PHLPP2: variants seen among roughly 807,000 people sequenced by gnomAD.
PHLPP2 encodes the protein PH domain and leucine rich repeat protein phosphatase 2, also known as PH domain leucine-rich repeat-containing protein phosphatase 2.
Under a neutral mutation model 124.9 loss-of-function variants are expected in PHLPP2, and 66 were observed. The observed-to-expected ratio is 0.53, with a 90% CI of 0.43 to 0.65. The LOEUF is 0.65. Ranked by LOEUF, PHLPP2 falls within the 30% of genes least tolerant of loss-of-function variation. The pLI is 0.00. For missense variants in PHLPP2, 1,685 were observed against 1,600.4 expected, an observed-to-expected ratio of 1.05 and a Z score of -0.90; for synonymous variants, 681 against 624.7, an observed-to-expected ratio of 1.09 and a Z score of -1.34.
intron 1 of PHLPP2, 160 bp from the exon 2 acceptor site, chr16:71,714,961 A>G (rs1450209440): frequency 1.9e-5 from 15 of 805,004 alleles, no homozygotes; most frequent in East Asian, 2.7e-5. Flanking sequence ...CTCATTCGTA[A>G]TAACTCAGAT....
chr16:71,691,911 C>G (rs1008441367), intron 3 of PHLPP2, among the ~76,000 whole-genome samples: 1 of 151,730 alleles, frequency 6.6e-6, no homozygotes, highest in African/African-American at 2.4e-5. Flanking sequence ...ACCTGGACAT[C>G]ATAGTAAGAC....
At chr16:71,716,865 T>C (rs886135409) in intron 1 of PHLPP2, among the ~76,000 whole-genome samples, 1 of 152,260 alleles carries the variant, frequency 6.6e-6, no homozygotes, top group Non-Finnish European at 1.5e-5. Flanking sequence ...ATGAATTATC[T>C]AGACAGAATT....
intron 17 of PHLPP2, among the ~76,000 whole-genome samples, chr16:71,653,615 C>T (rs2044715184): frequency 6.6e-6 from 1 of 152,184 alleles, no homozygotes; most frequent in Non-Finnish European, 1.5e-5. Context: ...GACCTAGTTT[C>T]AAATCTCAGC....
chr16:71,653,016 A>G lies in PHLPP2; in HGVS notation c.2591T>C (p.Leu864Ser). 3 of 1,609,684 alleles carry G rather than the reference A, an allele frequency of 1.9e-6. No homozygotes were observed. Among genetic ancestry groups the G allele is most frequent in the Non-Finnish European group, 2.5e-6 (3 of 1,178,042 alleles). ...ANTFLVSHRK[L>S]GMAGQKLGSS... Reference sequence around the variant, plus strand: ...GCCCAACTTCTGGCCAGCCATTCCTAATTTCCTGTTCAGAAAGAAAAGGAA... The same window carrying G: ...GCCCAACTTCTGGCCAGCCATTCCTGATTTCCTGTTCAGAAAGAAAAGGAA... The change falls in exon 18 of 19, where the codon TTA (leucine) becomes TCA (serine). Residue 864 changes from leucine to serine, a missense_variant. Leu to Ser is a moderately radical substitution (Grantham distance 145, BLOSUM62 -2). Transcript: ENST00000568954.
At chr16:71,681,947 G>C in intron 5 of PHLPP2, 42 bp from the exon 6 acceptor site, 1 of 1,452,444 alleles carries the variant, frequency 6.9e-7, no homozygotes, top group Non-Finnish European at 9.3e-7. Context: ...GCTAGTACTG[G>C]ATGTCTATCA....
At chr16:71,711,241 G>A (rs974145838) in intron 2 of PHLPP2, among the ~76,000 whole-genome samples, 1 of 151,878 alleles carries the variant, frequency 6.6e-6, no homozygotes, top group Admixed American at 6.6e-5. Flanking sequence ...TGAGGCAGGA[G>A]AATCGCTTGA....
Position 71,676,733 on chromosome 16 carries a change from G to A in PHLPP2, c.1269-84C>T, listed in dbSNP as rs986069723. The A allele has an allele frequency of 8.8e-5, 87 of 993,392 alleles. No individual in the cohort carries two copies. In the African/African-American group the frequency reaches 1.2e-3, roughly 14 times the overall value. 61.5% of individuals were successfully genotyped at this position (993,392 alleles called of 1,614,324 possible). On this transcript the variant is annotated intron_variant, in intron 8 of 18. Coordinates refer to ENST00000568954, the MANE Select transcript of PHLPP2 (RefSeq NM_015020.3). The stretch of plus-strand genomic sequence containing the variant: ...AGAATAAAAATAAAAAATAGGACAG[G>A]TATGATCCCTTTCTCTGTTTACTTT...
chr16:71,649,892 G>A lies in PHLPP2; in HGVS notation c.2970C>T (p.His990=). Residue 990 remains histidine (H), a synonymous_variant, in exon 19 of 19, where the codon CAC becomes CAT. Transcript: ENST00000568954. ...LILGNKALWE[H]LSYTEAVNAV... The stretch of plus-strand genomic sequence containing the variant: ...CATTGACAGCTTCTGTGTAGGACAA[G>A]TGTTCCCACAATGCTTTGTTTCCCA... 1.9e-6 allele frequency: 3 copies of A among 1,614,248 alleles called. No homozygotes were observed. The highest frequency in any genetic ancestry group is 2.2e-5 in the South Asian group (2 of 91,092).
intron 1 of PHLPP2, among the ~76,000 whole-genome samples, chr16:71,716,217 A>T (rs952511519): frequency 6.6e-6 from 1 of 152,204 alleles, no homozygotes; most frequent in African/African-American, 2.4e-5. Context: ...GACAGCATTC[A>T]GTTTGCTTCC....
intron 18 of PHLPP2, 113 bp from the exon 19 acceptor site, chr16:71,650,157 T>A (rs899328400): frequency 2.7e-6 from 2 of 728,404 alleles, no homozygotes; most frequent in African/African-American, 3.5e-5. Context: ...ATATGATTTT[T>A]CCTATGGATT....
Position 71,663,934 on chromosome 16 carries a change from G to C in PHLPP2, c.1950C>G (p.His650Gln), listed in dbSNP as rs775618404. 6.2e-7 allele frequency: 1 copy of C among 1,614,140 alleles called. No homozygotes were observed. The highest frequency in any genetic ancestry group is 8.5e-7 in the Non-Finnish European group (1 of 1,179,968). Residue 650 changes from histidine to glutamine, a missense_variant, in exon 13 of 19, where the codon CAC (histidine) becomes CAG (glutamine). Coordinates refer to ENST00000568954, the MANE Select transcript of PHLPP2 (RefSeq NM_015020.3). ...LVGHLHLRIL[H>Q]LANNQLQTFP... ...AGGTCTGTAACTGATTGTTTGCAAG[G>C]TGCAAGATTCGCAGGTGCAGGTGCC...
In PHLPP2 at chr16:71,707,961, C is replaced by T. The variant is rs552992551; in HGVS notation, c.285-5230G>A. On this transcript the variant is annotated intron_variant, in intron 2 of 18. Transcript: ENST00000568954. ...AGCAAGCCAGCTGGTGTCAGAATAA[C>T]CATTAAGAAAAATCGGCAGGGCACA... Among the ~76,000 whole-genome samples the T allele has an allele frequency of 9.2e-5, 14 of 152,204 alleles. No individual in the cohort carries two copies. The East Asian group carries it at 2.5e-3, about 27-fold the overall frequency.
At chr16:71,687,451 A>G (rs552037698) in intron 4 of PHLPP2, among the ~76,000 whole-genome samples, 4 of 152,294 alleles carry the variant, frequency 2.6e-5, no homozygotes, top group Admixed American at 6.5e-5. Flanking sequence ...AGTTTTAATT[A>G]TGTCTCTTAT....
Position 71,648,793 on chromosome 16 carries a change from A to C in PHLPP2, c.*97T>G, listed in dbSNP as rs566812443. 3,006 of 908,548 alleles carry C rather than the reference A, an allele frequency of 3.3e-3. 21 individuals carry two copies. Among genetic ancestry groups the C allele is most frequent in the South Asian group, 0.013 (836 of 62,298 alleles). 56.3% of individuals were successfully genotyped at this position (908,548 alleles called of 1,614,324 possible). A position where few individuals can be genotyped will look rare whatever the true frequency, so the allele number is the denominator to read the frequency against. ...CTCAAAACAAACAAACAAAAAAAAA[A>C]CGAACAAACAAAAAGAAATGTAGAG... On this transcript the variant is annotated 3_prime_UTR_variant, in exon 19 of 19. Transcript: ENST00000568954.
chr16:71,691,377 C>T (rs1001107140), intron 3 of PHLPP2, among the ~76,000 whole-genome samples: 4 of 151,836 alleles, frequency 2.6e-5, no homozygotes, highest in Non-Finnish European at 5.9e-5. Flanking sequence ...AGGAGAATGG[C>T]GTGAACCCAG....
intron 5 of PHLPP2, among the ~76,000 whole-genome samples, chr16:71,682,310 T>A (rs2145341607): frequency 6.6e-6 from 1 of 151,074 alleles, no homozygotes; most frequent in South Asian, 2.1e-4. Flanking sequence ...CTCCGTCTCC[T>A]GGGCTCAAGC....
At chr16:71,723,731 G>A in intron 1 of PHLPP2, 4 of 1,035,192 alleles carry the variant, frequency 3.9e-6, no homozygotes, top group South Asian at 1.7e-5. Context: ...TTGCCCGCTC[G>A]CCCGCTCGCT....
chr16:71,698,378 A>C (rs1221541912), intron 3 of PHLPP2, among the ~76,000 whole-genome samples: 4 of 152,258 alleles, frequency 2.6e-5, no homozygotes, highest in Middle Eastern at 3.4e-3. Context: ...GGGAACTTCA[A>C]CTTGGCCCTA....
chr16:71,658,956 G>T, intron 13 of PHLPP2, 141 bp from the exon 14 acceptor site: 1 of 708,090 alleles, frequency 1.4e-6, no homozygotes. Flanking sequence ...ACCGATACCA[G>T]GAATACCAGG....
Sources: gnomAD v4.1 joint callset for allele counts (sites outside exome capture counted in the v4.1 genomes callset) on GRCh38, gnomAD v4.1.1 for gene constraint, MANE v1.5 for transcripts, NCBI Gene and HGNC (gene_info 2026-07-23, HGNC 2026-07-21) for gene names.